Variants in PTCD3 observed in about 807,000 individuals in gnomAD.
PTCD3 encodes pentatricopeptide repeat domain 3, also known as small ribosomal subunit protein mS39.
In PTCD3, 89 loss-of-function variants were observed where a neutral mutation model predicts 101.9. The observed-to-expected ratio is 0.87, with a 90% CI of 0.74 to 1.04. The LOEUF (loss-of-function observed/expected upper bound fraction) is 1.04, where lower values mean the gene tolerates loss of function less well. PTCD3 is among the 50% of genes least tolerant of loss of function. The pLI, the probability that PTCD3 is intolerant of heterozygous loss-of-function variation, is 0.00. For missense variants in PTCD3, 870 were observed against 828.2 expected (o/e 1.05, Z -0.62); for synonymous variants, 296 against 278.5 (o/e 1.06, Z -0.63).
intron 4 of PTCD3, among the ~76,000 whole-genome samples, chr2:86,114,311 G>A (rs377568832): frequency 8.6e-5 from 13 of 151,448 alleles, no homozygotes; most frequent in East Asian, 7.7e-4. Context: ...TTAAAGAGAC[G>A]GAGTCTCCCT....
At chr2:86,123,436 C>T (rs1198563696) in intron 8 of PTCD3, among the ~76,000 whole-genome samples, 1 of 152,164 alleles carries the variant, frequency 6.6e-6, no homozygotes, top group East Asian at 1.9e-4. Context: ...TGTCTGAGGA[C>T]CAGGCCATAC....
intron 21 of PTCD3, chr2:86,135,751 C>T (rs998446695): frequency 3.8e-5 from 13 of 343,392 alleles, no homozygotes; most frequent in Non-Finnish European, 7.3e-5. Context: ...ATGATGAAGG[C>T]TTGTCTTTGA....
At chr2:86,119,101 T>TTA in intron 7 of PTCD3, 57 bp downstream of exon 7, 1 of 1,585,136 alleles carries the variant, frequency 6.3e-7, no homozygotes, top group Non-Finnish European at 8.6e-7. Flanking sequence ...TGGGCCCAAG[T>TTA]TATATGATTC....
intron 3 of PTCD3, 148 bp downstream of exon 3, chr2:86,108,684 A>C (rs1674013578): frequency 2.8e-6 from 2 of 715,622 alleles, no homozygotes; most frequent in Admixed American, 2.9e-5. Flanking sequence ...CTAGGAGTTT[A>C]AAGGACAAAA....
At position 86,139,211 on chromosome 2, in the gene PTCD3, T is replaced by C. The variant is rs1674644001; in HGVS notation, c.*1652T>C. ...TTTAGCCTCTACTATGAGTAAAATGTTCTCTTCGGCCGGGTGTGGTGACTC... is the reference window on the plus strand; with the variant it reads ...TTTAGCCTCTACTATGAGTAAAATGCTCTCTTCGGCCGGGTGTGGTGACTC... On this transcript the variant is annotated 3_prime_UTR_variant, in exon 24 of 24. Coordinates refer to ENST00000254630, the MANE Select transcript of PTCD3 (RefSeq NM_017952.6). The C allele has an allele frequency of 6.6e-6, 1 of 152,148 alleles. No homozygotes were observed. Among genetic ancestry groups the C allele is most frequent in the African/African-American group, 2.4e-5 (1 of 41,422 alleles). The allele number at this position is 152,148 out of a possible 1,614,324, so 9.4% of individuals were successfully genotyped here.
At position 86,127,190 on chromosome 2, in the gene PTCD3, G is replaced by C. The variant is rs187729126; in HGVS notation, c.981G>C (p.Lys327Asn). ...LELLRHMVAQ[K>N]VKPNLQTFNT... ...TGCTAAGACACATGGTTGCACAGAA[G>C]GTGAAACCAAATCTTCAGACTTTTA... The change falls in exon 13 of 24, where the codon AAG becomes AAC. Residue 327 changes from lysine (K) to asparagine (N), a missense_variant. Transcript: ENST00000254630. 6.2e-7 allele frequency: 1 copy of C among 1,613,372 alleles called. No homozygotes were observed. The highest frequency in any genetic ancestry group is 8.5e-7 in the Non-Finnish European group (1 of 1,179,656).
chr2:86,123,074 A>G (rs1467694940), intron 8 of PTCD3, among the ~76,000 whole-genome samples: 1 of 152,040 alleles, frequency 6.6e-6, no homozygotes, highest in African/African-American at 2.4e-5. Context: ...CCTGGCTAAC[A>G]TGGTGAAATC....
chr2:86,135,431 C>T (rs1674567872), intron 21 of PTCD3, among the ~76,000 whole-genome samples: 1 of 152,204 alleles, frequency 6.6e-6, no homozygotes, highest in Non-Finnish European at 1.5e-5. Flanking sequence ...CGCACATTAA[C>T]TAAACTTGGC....
intron 4 of PTCD3, among the ~76,000 whole-genome samples, 158 bp downstream of exon 4, chr2:86,111,316 C>T (rs553318752): frequency 3.3e-5 from 5 of 152,062 alleles, no homozygotes; most frequent in Non-Finnish European, 7.4e-5. Context: ...AGGCCGGGCG[C>T]GGTGGCTCAC....
At position 86,136,489 on chromosome 2, in the gene PTCD3, AGTATTC is replaced by A. The variant is rs1350814167; in HGVS notation, c.1779-31_1779-26del. ...TGTCTGATTGCCTTGTTTTTCTAAT[AGTATTC>A]ATAATCTTTTTCCTTTCTTGAGCAG... On this transcript the variant is annotated intron_variant, in intron 21 of 23. Coordinates refer to ENST00000254630, the MANE Select transcript of PTCD3 (RefSeq NM_017952.6). 1.9e-6 allele frequency: 3 copies of A among 1,579,468 alleles called. No homozygotes were observed. The South Asian group carries it at 3.3e-5, about 17-fold the overall frequency.
intron 14 of PTCD3, 75 bp downstream of exon 14, chr2:86,128,066 T>C (rs1674428105): frequency 2.6e-6 from 3 of 1,169,298 alleles, no homozygotes. Flanking sequence ...GATTAATTGT[T>C]GTAGTTATCT....
intron 19 of PTCD3, 73 bp downstream of exon 19, chr2:86,133,509 C>T: frequency 7.2e-7 from 1 of 1,385,688 alleles, no homozygotes; most frequent in South Asian, 1.2e-5. Flanking sequence ...AATGTGCTAA[C>T]ATTACTGTTA....
At chr2:86,110,889 C>T (rs1473160863) in intron 3 of PTCD3, 1 of 729,472 alleles carries the variant, frequency 1.4e-6, no homozygotes, top group African/African-American at 1.8e-5. Flanking sequence ...TGGCATTATG[C>T]ACCAGGCCAG....
At chr2:86,120,661 A>G (rs577749784) in intron 7 of PTCD3, among the ~76,000 whole-genome samples, 1 of 152,002 alleles carries the variant, frequency 6.6e-6, no homozygotes, top group Non-Finnish European at 1.5e-5. Context: ...TTGGGAGGCC[A>G]AAACAGGAGG....
intron 13 of PTCD3, 63 bp from the exon 14 acceptor site, chr2:86,127,878 A>G (rs576369285): frequency 9.3e-5 from 118 of 1,264,504 alleles, no homozygotes; most frequent in Admixed American, 3.6e-4. Flanking sequence ...TCAGTAAACT[A>G]TGTTTTGGAT....
chr2:86,111,452 G>T (rs1674082787), intron 4 of PTCD3, among the ~76,000 whole-genome samples: 2 of 151,944 alleles, frequency 1.3e-5, no homozygotes, highest in African/African-American at 4.8e-5. Flanking sequence ...GCCAGGCGTG[G>T]TGGCAGGCAC....
chr2:86,140,605 G>A lies in PTCD3; in HGVS notation c.*3046G>A, dbSNP rs1674666083. The A allele has an allele frequency of 6.6e-6, 1 of 152,132 alleles. No individual in the cohort carries two copies. Among genetic ancestry groups the A allele is most frequent in the South Asian group, 2.1e-4 (1 of 4,818 alleles). 9.4% of individuals were successfully genotyped at this position (152,132 alleles called of 1,614,324 possible). A position where few individuals can be genotyped will look rare whatever the true frequency, so the allele number is the denominator to read the frequency against. On this transcript the variant is annotated 3_prime_UTR_variant, in exon 24 of 24. Transcript: ENST00000254630. Reference sequence around the variant, plus strand: ...AGTCACTAGGAGCATGGATGTATAAGGCAGGTTTTATACAACCATTTAGAT... The same window carrying A: ...AGTCACTAGGAGCATGGATGTATAAAGCAGGTTTTATACAACCATTTAGAT...
Position 86,139,762 on chromosome 2 carries a change from C to A in PTCD3, c.*2203C>A, listed in dbSNP as rs1237417597. On this transcript the variant is annotated 3_prime_UTR_variant, in exon 24 of 24. Coordinates refer to ENST00000254630, the MANE Select transcript of PTCD3 (RefSeq NM_017952.6). ...GGCTGCAGTAGCCATGACTGCACCA[C>A]TGCATTCCAGCCTGGTTGACAGAGT... 1 of 151,972 alleles carries A rather than the reference C, an allele frequency of 6.6e-6. No homozygotes were observed. The highest frequency in any genetic ancestry group is 1.5e-5 in the Non-Finnish European group (1 of 68,078). The allele number at this position is 151,972 out of a possible 1,614,324, so 9.4% of individuals were successfully genotyped here. A position where few individuals can be genotyped will look rare whatever the true frequency, so the allele number is the denominator to read the frequency against.
chr2:86,113,364 CTT>C (rs1335401324), intron 4 of PTCD3, among the ~76,000 whole-genome samples: 7 of 152,146 alleles, frequency 4.6e-5, no homozygotes, highest in Non-Finnish European at 8.8e-5. Context: ...TAACCAAAAA[CTT>C]TTAATTTCGT....
Sources: gnomAD v4.1 joint callset for allele counts (sites outside exome capture counted in the v4.1 genomes callset) on GRCh38, gnomAD v4.1.1 for gene constraint, MANE v1.5 for transcripts, NCBI Gene and HGNC (gene_info 2026-07-23, HGNC 2026-07-21) for gene names.